The following DGKB variants were observed in gnomAD, a reference collection of about 807,000 sequenced individuals.
DGKB encodes diacylglycerol kinase beta, also known as 90 kDa diacylglycerol kinase.
DGKB carries 67 observed loss-of-function variants against 114.3 expected under a neutral mutation model. The ratio of observed to expected loss-of-function variants is 0.59; its 90% confidence interval spans 0.48 to 0.72. The LOEUF (loss-of-function observed/expected upper bound fraction) is 0.72, where lower values mean the gene tolerates loss of function less well. Among genes scored for constraint, DGKB ranks in the 30% least tolerant of loss-of-function variants. DGKB has a pLI of 0.00. For synonymous variants in DGKB, 398 were observed against 323.1 expected, an observed-to-expected ratio of 1.23 and a Z score of -2.49; for missense variants, 907 against 975.2, an observed-to-expected ratio of 0.93 and a Z score of 0.93.
intron 13 of DGKB, among the ~76,000 whole-genome samples, chr7:14,656,406 A>G (rs1484775756): frequency 6.6e-6 from 1 of 150,430 alleles, no homozygotes; most frequent in Non-Finnish European, 1.5e-5. Flanking sequence ...TTTTTTTTCT[A>G]GGTTTGAGGT....
chr7:14,221,443 G>T (rs1789956264), intron 23 of DGKB, among the ~76,000 whole-genome samples: 1 of 151,030 alleles, frequency 6.6e-6, no homozygotes, highest in Non-Finnish European at 1.5e-5. Context: ...GTGATTTTTG[G>T]TTTTTATTCT....
chr7:14,745,948 C>G (rs958302272), intron 4 of DGKB, among the ~76,000 whole-genome samples: 3 of 152,310 alleles, frequency 2.0e-5, no homozygotes, highest in South Asian at 2.1e-4. Context: ...GGAAAACTTT[C>G]TGAAATTTCT....
intron 21 of DGKB, among the ~76,000 whole-genome samples, chr7:14,473,171 G>A (rs1781669599): frequency 6.6e-6 from 1 of 152,058 alleles, no homozygotes; most frequent in African/African-American, 2.4e-5. Context: ...GGCATAAGAG[G>A]AAAAAATGGT....
At chr7:14,659,757 T>A (rs1340328481) in intron 13 of DGKB, among the ~76,000 whole-genome samples, 1 of 149,364 alleles carries the variant, frequency 6.7e-6, no homozygotes, top group Admixed American at 6.8e-5. Context: ...TGGCCAGAAC[T>A]TCCAACACTA....
intron 1 of DGKB, among the ~76,000 whole-genome samples, chr7:14,924,189 T>C (rs562842071): frequency 2.6e-5 from 4 of 152,104 alleles, no homozygotes; most frequent in Admixed American, 1.3e-4. Flanking sequence ...CTATAGTTCT[T>C]AAAAATATTT....
chr7:14,624,951 T>C (rs1373502749), intron 14 of DGKB, among the ~76,000 whole-genome samples: 7 of 151,918 alleles, frequency 4.6e-5, no homozygotes, highest in South Asian at 2.1e-4. Flanking sequence ...TGAGCCAAGA[T>C]TGTACCACTG....
At chr7:14,167,599 G>T (rs1784795789) in intron 25 of DGKB, among the ~76,000 whole-genome samples, 1 of 152,192 alleles carries the variant, frequency 6.6e-6, no homozygotes, top group South Asian at 2.1e-4. Flanking sequence ...TGTATGCATA[G>T]ATTTGACCTT....
intron 2 of DGKB, among the ~76,000 whole-genome samples, chr7:14,814,447 T>G (rs577141289): frequency 1.6e-4 from 25 of 152,308 alleles, no homozygotes; most frequent in Admixed American, 1.6e-3. Context: ...AACACAGAGA[T>G]ATGTATTGTA....
At chr7:14,433,506 C>T (rs976580282) in intron 21 of DGKB, among the ~76,000 whole-genome samples, 10 of 151,942 alleles carry the variant, frequency 6.6e-5, no homozygotes, top group South Asian at 2.1e-4. Context: ...AATAAGAAAG[C>T]GGAAGTATTC....
intron 13 of DGKB, among the ~76,000 whole-genome samples, chr7:14,652,282 G>A (rs183423289): frequency 1.3e-5 from 2 of 152,116 alleles, no homozygotes; most frequent in Non-Finnish European, 2.9e-5. Flanking sequence ...AAACAGCACG[G>A]TACTGGTACC....
At chr7:14,760,108 G>A (rs1835467780) in intron 2 of DGKB, among the ~76,000 whole-genome samples, 1 of 152,044 alleles carries the variant, frequency 6.6e-6, no homozygotes, top group Non-Finnish European at 1.5e-5. Context: ...TGGACGGTTT[G>A]TCTTTTTGTT....
intron 4 of DGKB, among the ~76,000 whole-genome samples, chr7:14,751,948 G>A (rs1393465374): frequency 6.6e-6 from 1 of 152,060 alleles, no homozygotes; most frequent in Admixed American, 6.6e-5. Context: ...AACATTAGTG[G>A]AACACCTTTT....
rs528032855 is a variant in DGKB at position 14,419,831 on chromosome 7, A to G, written c.1835+58330T>C. On this transcript the variant is annotated intron_variant, in intron 21 of 25. Coordinates refer to ENST00000402815, the MANE Select transcript of DGKB (RefSeq NM_001350709.2). ...CACTGGCTTGTTTCATGAAGATAAG[A>G]ACAGTCTCAAAGTCCTTGTGTTCCA... Among the ~76,000 whole-genome samples the G allele has an allele frequency of 3.3e-5, 5 of 152,166 alleles. No homozygotes were observed. The East Asian group carries it at 7.7e-4, about 24-fold the overall frequency.
At chr7:14,714,730 A>G (rs1466746537) in intron 6 of DGKB, among the ~76,000 whole-genome samples, 5 of 152,182 alleles carry the variant, frequency 3.3e-5, no homozygotes, top group Admixed American at 2.0e-4. Flanking sequence ...CCAAAGAATT[A>G]TATTTTTATT....
chr7:14,922,230 C>T (rs556997761), intron 1 of DGKB, among the ~76,000 whole-genome samples: 7 of 151,952 alleles, frequency 4.6e-5, no homozygotes, highest in African/African-American at 1.4e-4. Flanking sequence ...ACCAGAGCAA[C>T]GACATTTACA....
intron 21 of DGKB, among the ~76,000 whole-genome samples, chr7:14,402,173 A>T (rs1318708634): frequency 1.3e-5 from 2 of 151,758 alleles, no homozygotes; most frequent in South Asian, 2.1e-4. Flanking sequence ...ATGACACTCA[A>T]TCCTTATTTT....
chr7:14,647,697 G>C (rs1813354001), intron 13 of DGKB, among the ~76,000 whole-genome samples: 1 of 152,204 alleles, frequency 6.6e-6, no homozygotes, highest in African/African-American at 2.4e-5. Context: ...GAACGACGCA[G>C]AAGACGGGTG....
chr7:14,646,597 T>A (rs1813069846), intron 13 of DGKB, among the ~76,000 whole-genome samples: 1 of 152,122 alleles, frequency 6.6e-6, no homozygotes, highest in Admixed American at 6.5e-5. Context: ...TAGGCCTCAA[T>A]ATAAATCTCA....
At chr7:14,551,239 G>A (rs1795057665) in intron 20 of DGKB, among the ~76,000 whole-genome samples, 1 of 152,168 alleles carries the variant, frequency 6.6e-6, no homozygotes. Flanking sequence ...TGTAGTAAAA[G>A]TCCACTTGTC....
Sources: gnomAD v4.1 joint callset for allele counts (sites outside exome capture counted in the v4.1 genomes callset) on GRCh38, gnomAD v4.1.1 for gene constraint, MANE v1.5 for transcripts, NCBI Gene and HGNC (gene_info 2026-07-23, HGNC 2026-07-21) for gene names.